The following NAT10 variants were observed in gnomAD, a reference collection of about 807,000 sequenced individuals.
The protein encoded by NAT10 is RNA cytidine acetyltransferase.
In NAT10, 109 loss-of-function variants were observed where a neutral mutation model predicts 132.2. The ratio of observed to expected loss-of-function variants is 0.82; its 90% CI spans 0.71 to 0.97. The LOEUF is 0.97. Among genes scored for constraint, NAT10 ranks in the 50% least tolerant of loss-of-function variants. The pLI is 0.00. For missense variants in NAT10, 1,184 were observed against 1,263.4 expected, an observed-to-expected ratio of 0.94 and a Z score of 0.95; for synonymous variants, 479 against 478.0, an observed-to-expected ratio of 1.00 and a Z score of -0.03.
At chr11:34,107,720 G>A (rs1220980873) in intron 1 of NAT10, among the ~76,000 whole-genome samples, 2 of 152,200 alleles carry the variant, frequency 1.3e-5, no homozygotes, top group African/African-American at 2.4e-5. Flanking sequence ...GAGGTCAAGA[G>A]ATCGAGACCA....
intron 19 of NAT10, 116 bp downstream of exon 19, chr11:34,135,407 TCTG>T (rs1852190383): frequency 1.3e-6 from 1 of 753,396 alleles, no homozygotes; most frequent in Middle Eastern, 2.5e-4. Flanking sequence ...CTCATTTTCT[TCTG>T]CTGCTTTCTC....
At chr11:34,143,399 C>T (rs1852376102) in intron 27 of NAT10, 46 bp from the exon 28 acceptor site, 3 of 1,519,994 alleles carry the variant, frequency 2.0e-6, no homozygotes, top group East Asian at 4.5e-5. Context: ...TTAAGCAGTC[C>T]CCTCTTCTTT....
intron 3 of NAT10, among the ~76,000 whole-genome samples, chr11:34,110,183 A>T (rs968948887): frequency 1.3e-5 from 2 of 152,068 alleles, no homozygotes; most frequent in African/African-American, 2.4e-5. Context: ...TCCTTACTCT[A>T]AACCTAGCTG....
intron 14 of NAT10, 142 bp downstream of exon 14, chr11:34,131,673 CTTTTTTTTTTTTCTTTCTTTT>C (rs1310836829): frequency 1.7e-6 from 1 of 603,108 alleles, no homozygotes; most frequent in African/African-American, 2.0e-5. Flanking sequence ...TTTTCTCTTC[CTTTTTTTTTTTTCTTTCTTTT>C]TTTTTTTTTT....
In NAT10 at chr11:34,137,009, T is replaced by C. The variant is rs1203335360; in HGVS notation, c.2194T>C (p.Tyr732His). ...FWKRAGFVPV[Y>H]LRQTPNDLTG... ...GAAACGAGCTGGATTTGTTCCTGTTTATCTGAGACAGACCCCGGTGAGTGA... is the reference window on the plus strand; with the variant it reads ...GAAACGAGCTGGATTTGTTCCTGTTCATCTGAGACAGACCCCGGTGAGTGA... The change falls in exon 21 of 29, where the codon TAT becomes CAT. Residue 732 changes from tyrosine to histidine, a missense_variant. Tyr to His is a moderately conservative substitution (Grantham distance 83). Transcript: ENST00000257829. 2 of 1,614,106 alleles carry C rather than the reference T, an allele frequency of 1.2e-6. No individual in the cohort carries two copies. The highest frequency in any genetic ancestry group is 1.3e-5 in the African/African-American group (1 of 74,928).
At chr11:34,134,614 C>G (rs1449222592) in intron 18 of NAT10, 28 bp downstream of exon 18, 1 of 1,611,022 alleles carries the variant, frequency 6.2e-7, no homozygotes, top group Non-Finnish European at 8.5e-7. Flanking sequence ...TCCCCTGAAG[C>G]CGTGTTGCTG....
At chr11:34,142,572 A>C (rs1852356358) in intron 27 of NAT10, among the ~76,000 whole-genome samples, 1 of 151,846 alleles carries the variant, frequency 6.6e-6, no homozygotes, top group Non-Finnish European at 1.5e-5. Flanking sequence ...TACACATTGC[A>C]CTCTCTGATC....
chr11:34,142,072 CT>C, intron 26 of NAT10: 2 of 632,020 alleles, frequency 3.2e-6, no homozygotes, highest in Non-Finnish European at 2.8e-6. Flanking sequence ...AATGTTTTGT[CT>C]TTTTTGGTGA....
At chr11:34,106,290 G>A (rs1851593549) in intron 1 of NAT10, 1 of 152,254 alleles carries the variant, frequency 6.6e-6, no homozygotes, top group Non-Finnish European at 1.5e-5. Flanking sequence ...GATGTTATGT[G>A]TAGATAGACG....
chr11:34,118,118 A>G (rs1343313023), intron 6 of NAT10, 62 bp from the exon 7 acceptor site: 4 of 1,349,576 alleles, frequency 3.0e-6, no homozygotes, highest in Non-Finnish European at 4.2e-6. Flanking sequence ...AAGAAAAGTT[A>G]TACTCTGTAT....
chr11:34,111,422 A>C (rs1341913667), intron 3 of NAT10, among the ~76,000 whole-genome samples: 1 of 152,214 alleles, frequency 6.6e-6, no homozygotes. Context: ...CCATTCTAGA[A>C]CATTCTAATT....
At chr11:34,133,313 G>A (rs946202877) in intron 16 of NAT10, among the ~76,000 whole-genome samples, 171 bp downstream of exon 16, 2 of 152,182 alleles carry the variant, frequency 1.3e-5, no homozygotes, top group Admixed American at 6.5e-5. Context: ...GAAGAGGTTA[G>A]CGCCACTAGA....
At position 34,146,399 on chromosome 11, in the gene NAT10, C is replaced by T. The variant is rs1369959385; in HGVS notation, c.*207C>T. On this transcript the variant is annotated 3_prime_UTR_variant, in exon 29 of 29. Coordinates refer to ENST00000257829, the MANE Select transcript of NAT10 (RefSeq NM_024662.3). ...AATGGGTCTCTTTAGAACTTGATGG[C>T]TGGGCACTGCCATCTCTAGAATTGC... 12 of 463,144 alleles carry T rather than the reference C, an allele frequency of 2.6e-5. No homozygotes were observed. Among genetic ancestry groups the T allele is most frequent in the Non-Finnish European group, 3.1e-5 (8 of 260,458 alleles). 28.7% of individuals were successfully genotyped at this position (463,144 alleles called of 1,614,324 possible).
At chr11:34,108,103 A>G in intron 1 of NAT10, 108 bp from the exon 2 acceptor site, 1 of 706,520 alleles carries the variant, frequency 1.4e-6, no homozygotes, top group South Asian at 1.7e-5. Flanking sequence ...AAGTAAGACA[A>G]TACTTATAGA....
intron 4 of NAT10, among the ~76,000 whole-genome samples, chr11:34,112,490 G>A (rs1404322239): frequency 6.6e-6 from 1 of 152,268 alleles, no homozygotes; most frequent in Admixed American, 6.5e-5. Context: ...ACTAGCTAAA[G>A]CTGATAAAGC....
intron 23 of NAT10, 86 bp downstream of exon 23, chr11:34,139,581 T>C: frequency 1.6e-6 from 2 of 1,247,200 alleles, no homozygotes; most frequent in Non-Finnish European, 2.3e-6. Flanking sequence ...GGGTTTGGGC[T>C]GGAAATTGAG....
chr11:34,109,610 A>G (rs886554229), intron 3 of NAT10, among the ~76,000 whole-genome samples: 3 of 152,326 alleles, frequency 2.0e-5, no homozygotes, highest in East Asian at 1.9e-4. Context: ...ACAGTTGGCT[A>G]TTTGAAGCTG....
intron 23 of NAT10, 36 bp downstream of exon 23, chr11:34,139,531 T>C (rs1421932832): frequency 6.3e-7 from 1 of 1,575,678 alleles, no homozygotes; most frequent in African/African-American, 1.4e-5. Flanking sequence ...GGGTTGGGAA[T>C]GGCTTGGCTG....
intron 19 of NAT10, among the ~76,000 whole-genome samples, chr11:34,135,560 G>A (rs1211617761): frequency 6.6e-6 from 1 of 152,182 alleles, no homozygotes; most frequent in Non-Finnish European, 1.5e-5. Context: ...AGTTTAACAA[G>A]ATTCTCAGGT....
Sources: gnomAD v4.1 joint callset for allele counts (sites outside exome capture counted in the v4.1 genomes callset) on GRCh38, gnomAD v4.1.1 for gene constraint, MANE v1.5 for transcripts, NCBI Gene and HGNC (gene_info 2026-07-23, HGNC 2026-07-21) for gene names.